Variants in SGCD observed in about 807,000 individuals in gnomAD.
The protein encoded by SGCD is sarcoglycan delta.
A neutral mutation model predicts 36.6 loss-of-function variants in SGCD; 18 were observed. The observed-to-expected ratio is 0.49, with a 90% confidence interval of 0.34 to 0.73. The LOEUF (loss-of-function observed/expected upper bound fraction) is 0.73. SGCD is among the 30% of genes least tolerant of loss of function. SGCD has a pLI of 0.01. For synonymous variants in SGCD, 133 were observed against 130.6 expected (o/e 1.02, Z -0.12); for missense variants, 387 against 346.7 (o/e 1.12, Z -0.92).
At chr5:156,505,998 A>G (rs969224915) in intron 3 of SGCD, among the ~76,000 whole-genome samples, 2 of 152,230 alleles carry the variant, frequency 1.3e-5, no homozygotes, top group Non-Finnish European at 1.5e-5. Context: ...CCTGGGTATC[A>G]TGTTAACAGC....
At chr5:156,078,439 G>T (rs535276174) in intron 1 of SGCD, among the ~76,000 whole-genome samples, 77 of 150,280 alleles carry the variant, frequency 5.1e-4, no homozygotes, top group African/African-American at 1.7e-3. Context: ...CTTGAACTTG[G>T]GAGGCAGAGG....
At chr5:156,582,310 A>C (rs1378888639) in intron 4 of SGCD, among the ~76,000 whole-genome samples, 2 of 152,128 alleles carry the variant, frequency 1.3e-5, no homozygotes, top group African/African-American at 4.8e-5. Flanking sequence ...CATGAGTGTT[A>C]ATTTTGTCTT....
At chr5:156,561,294 C>A (rs73297198) in intron 4 of SGCD, among the ~76,000 whole-genome samples, 4,845 of 152,262 alleles carry the variant, frequency 0.032, 265 homozygotes, top group African/African-American at 0.11. Context: ...CCAGGTCTGG[C>A]TTTCTGTCCT....
intron 3 of SGCD, among the ~76,000 whole-genome samples, chr5:156,480,443 T>C (rs1755373646): frequency 6.6e-6 from 1 of 152,170 alleles, no homozygotes; most frequent in Non-Finnish European, 1.5e-5. Context: ...CCCAGTCTCT[T>C]CTTGAATAAA....
intron 1 of SGCD, among the ~76,000 whole-genome samples, chr5:155,883,814 A>C (rs891246422): frequency 4.1e-5 from 6 of 146,496 alleles, no homozygotes; most frequent in Non-Finnish European, 7.6e-5. Flanking sequence ...AAAAAAAAAA[A>C]GAAAAGCACT....
chr5:156,485,375 T>C (rs893942927), intron 3 of SGCD, among the ~76,000 whole-genome samples: 21 of 152,192 alleles, frequency 1.4e-4, no homozygotes, highest in African/African-American at 4.3e-4. Flanking sequence ...TCAAAATGGC[T>C]GTGTGGGCCA....
chr5:155,925,715 A>G (rs113390519), intron 1 of SGCD, among the ~76,000 whole-genome samples: 134 of 152,306 alleles, frequency 8.8e-4, no homozygotes, highest in African/African-American at 3.1e-3. Context: ...TCCTTGGCTC[A>G]AGGGATCCTC....
At chr5:156,263,541 G>A (rs1169794845) in intron 3 of SGCD, among the ~76,000 whole-genome samples, 3 of 152,010 alleles carry the variant, frequency 2.0e-5, no homozygotes, top group Non-Finnish European at 4.4e-5. Flanking sequence ...CCACTCTGTG[G>A]GTTGTCTCTT....
chr5:156,339,536 T>C (rs2127712342), intron 2 of SGCD, among the ~76,000 whole-genome samples: 1 of 152,336 alleles, frequency 6.6e-6, no homozygotes, highest in African/African-American at 2.4e-5. Context: ...CATTCATTCA[T>C]TGAACAAATG....
intron 3 of SGCD, among the ~76,000 whole-genome samples, chr5:156,297,784 T>TAATAAAAA (rs939552618): frequency 1.5e-5 from 2 of 135,910 alleles, no homozygotes; most frequent in African/African-American, 3.1e-5. Context: ...ACTTAAAGTA[T>TAATAAAAA]AATAAAAAAA....
chr5:156,573,942 C>T (rs543601363), intron 4 of SGCD, among the ~76,000 whole-genome samples: 32 of 152,144 alleles, frequency 2.1e-4, no homozygotes, highest in African/African-American at 7.0e-4. Context: ...ATCCTCCCTC[C>T]TTGGCCTCCC....
At chr5:156,626,641 T>A (rs1762451412) in intron 6 of SGCD, among the ~76,000 whole-genome samples, 2 of 152,324 alleles carry the variant, frequency 1.3e-5, no homozygotes, top group South Asian at 4.1e-4. Context: ...ATATTCAGTT[T>A]CCTTATTTAT....
chr5:156,540,760 A>G (rs1184311067), intron 4 of SGCD, among the ~76,000 whole-genome samples: 2 of 152,110 alleles, frequency 1.3e-5, no homozygotes, highest in Non-Finnish European at 2.9e-5. Context: ...TTTTTACCCA[A>G]TTGCCTTGCC....
At chr5:156,240,819 A>T (rs947816729) in intron 3 of SGCD, among the ~76,000 whole-genome samples, 1 of 152,214 alleles carries the variant, frequency 6.6e-6, no homozygotes, top group Non-Finnish European at 1.5e-5. Context: ...AATTTGAGTT[A>T]AAAACAAACA....
intron 7 of SGCD, among the ~76,000 whole-genome samples, chr5:156,672,554 C>G (rs1753339840): frequency 6.6e-6 from 1 of 152,214 alleles, no homozygotes; most frequent in South Asian, 2.1e-4. Flanking sequence ...CCCACAGGCT[C>G]TTAGCTTTTA....
At chr5:156,729,000 C>T (rs1254828749) in intron 7 of SGCD, among the ~76,000 whole-genome samples, 1 of 152,116 alleles carries the variant, frequency 6.6e-6, no homozygotes. Flanking sequence ...CAAGGTCTAT[C>T]CTTACTGGAA....
At chr5:156,396,107 CGGA>C (rs1196867432) in intron 3 of SGCD, among the ~76,000 whole-genome samples, 8 of 152,150 alleles carry the variant, frequency 5.3e-5, no homozygotes, top group Non-Finnish European at 1.0e-4. Flanking sequence ...AAGTAAGCCC[CGGA>C]GGAGTTGTGC....
At chr5:156,468,804 C>T (rs2127825325) in intron 3 of SGCD, among the ~76,000 whole-genome samples, 1 of 152,188 alleles carries the variant, frequency 6.6e-6, no homozygotes, top group East Asian at 1.9e-4. Flanking sequence ...CTAGCCTGGC[C>T]AATGTGGTGA....
rs2113369030 is a variant in SGCD, at chr5:156,589,228, C to T, written c.295-3C>T. 6.5e-7 allele frequency: 1 copy of T among 1,542,826 alleles called. No homozygotes were observed. The highest frequency in any genetic ancestry group is 8.8e-7 in the Non-Finnish European group (1 of 1,134,464). On this transcript the variant is annotated splice_polypyrimidine_tract_variant and splice_region_variant and intron_variant, in intron 4 of 8. Coordinates refer to ENST00000337851, the MANE Select transcript of SGCD (RefSeq NM_000337.6). ...ATGTCTTTCTCTTATTTTCTTATTG[C>T]AGGGTAATGCCCTGTACTTCAAGTC...
Sources: gnomAD v4.1 joint callset for allele counts (sites outside exome capture counted in the v4.1 genomes callset) on GRCh38, gnomAD v4.1.1 for gene constraint, MANE v1.5 for transcripts, NCBI Gene and HGNC (gene_info 2026-07-23, HGNC 2026-07-21) for gene names.